Variants in RAPGEF5 observed in about 807,000 individuals in gnomAD.
The protein encoded by RAPGEF5 is M-Ras-regulated GEF.
A neutral mutation model predicts 125.2 loss-of-function variants in RAPGEF5; 65 were observed. That is an observed-to-expected ratio of 0.52 (90% CI 0.43 to 0.64). The LOEUF is 0.64. RAPGEF5 is among the 30% of genes least tolerant of loss of function. The pLI, the probability that RAPGEF5 is intolerant of heterozygous loss-of-function variation, is 0.00. For missense variants in RAPGEF5, 958 were observed against 1,048.1 expected (o/e 0.91, Z 1.19); for synonymous variants, 391 against 385.9 (o/e 1.01, Z -0.16).
intron 20 of RAPGEF5, among the ~76,000 whole-genome samples, chr7:22,143,103 T>A (rs547183589): frequency 1.3e-5 from 2 of 152,242 alleles, no homozygotes; most frequent in East Asian, 3.9e-4. Flanking sequence ...TTCCCACTTA[T>A]CCACATAATT....
intron 6 of RAPGEF5, among the ~76,000 whole-genome samples, chr7:22,268,640 G>C (rs578251609): frequency 2.0e-5 from 3 of 152,250 alleles, no homozygotes; most frequent in African/African-American, 7.2e-5. Flanking sequence ...TGATCTCCCA[G>C]GGAAAACCCC....
intron 6 of RAPGEF5, among the ~76,000 whole-genome samples, chr7:22,278,854 A>G (rs546669024): frequency 2.6e-5 from 4 of 151,974 alleles, no homozygotes; most frequent in African/African-American, 9.6e-5. Context: ...TTTTCCATGT[A>G]TTCACTGACT....
chr7:22,308,569 C>G lies in RAPGEF5; in HGVS notation c.512-62G>C, dbSNP rs920913459. 20 of 1,288,922 alleles carry G rather than the reference C, an allele frequency of 1.6e-5. No individual in the cohort carries two copies. The African/African-American group carries it at 3.0e-4, about 20-fold the overall frequency. The allele number at this position is 1,288,922 out of a possible 1,614,324, so 79.8% of individuals were successfully genotyped here. A position where few individuals can be genotyped will look rare whatever the true frequency, so the allele number is the denominator to read the frequency against. On this transcript the variant is annotated intron_variant, in intron 4 of 25. Transcript: ENST00000665637. The stretch of plus-strand genomic sequence containing the variant: ...AAAGATATTACTCAGAGAGTAATAA[C>G]TCAAATGATAAATTGAAAGCCCTAA...
chr7:22,146,856 T>G, intron 19 of RAPGEF5, 41 bp downstream of exon 19: 1 of 1,592,424 alleles, frequency 6.3e-7, no homozygotes, highest in Non-Finnish European at 8.5e-7. Flanking sequence ...AATTCACAGT[T>G]AAAACAGCAT....
At chr7:22,211,433 G>T (rs1416682393) in intron 9 of RAPGEF5, among the ~76,000 whole-genome samples, 1 of 152,162 alleles carries the variant, frequency 6.6e-6, no homozygotes, top group African/African-American at 2.4e-5. Flanking sequence ...AAACAGGACT[G>T]ACTCCAAGCC....
intron 11 of RAPGEF5, among the ~76,000 whole-genome samples, chr7:22,174,971 A>C (rs574245142): frequency 1.3e-5 from 2 of 152,340 alleles, no homozygotes; most frequent in African/African-American, 4.8e-5. Flanking sequence ...GGCTATGGCC[A>C]ACATGATTTC....
chr7:22,321,863 A>C (rs1008997487), intron 1 of RAPGEF5, among the ~76,000 whole-genome samples: 1 of 152,222 alleles, frequency 6.6e-6, no homozygotes, highest in Non-Finnish European at 1.5e-5. Context: ...TAAGCTGCCC[A>C]GTGGATTTTT....
rs1391071908 is a variant in RAPGEF5 at position 22,309,983 on chromosome 7, C to T, written c.497G>A (p.Gly166Glu). 1.9e-6 allele frequency: 3 copies of T among 1,588,132 alleles called. No homozygotes were observed. In the Admixed American group the frequency reaches 5.6e-5, roughly 30 times the overall value. ...IGVWQLLLDMGIMLSVDQHLY... is the reference protein window; with the variant it reads ...IGVWQLLLDMEIMLSVDQHLY... Reference sequence around the variant, plus strand: ...ATAATACTAACCTGATAACATAATTCCCATGTCCAGTAGGAGTTGCCAGAC... The same window carrying T: ...ATAATACTAACCTGATAACATAATTTCCATGTCCAGTAGGAGTTGCCAGAC... The change falls in exon 4 of 26, where the codon GGA becomes GAA. Residue 166 changes from glycine (G) to glutamate (E), a missense_variant. Coordinates refer to ENST00000665637, the MANE Select transcript of RAPGEF5 (RefSeq NM_012294.5).
intron 7 of RAPGEF5, among the ~76,000 whole-genome samples, chr7:22,256,538 CCTT>C (rs1228120344): frequency 6.6e-6 from 1 of 151,674 alleles, no homozygotes; most frequent in African/African-American, 2.4e-5. Flanking sequence ...GCCTGGAGGT[CCTT>C]CTTTCCTTTT....
chr7:22,327,671 A>C (rs1266827243), intron 1 of RAPGEF5, among the ~76,000 whole-genome samples: 1 of 152,230 alleles, frequency 6.6e-6, no homozygotes, highest in African/African-American at 2.4e-5. Context: ...CAAGTTATTT[A>C]ACTTCTTTGT....
intron 18 of RAPGEF5, 83 bp from the exon 19 acceptor site, chr7:22,147,102 G>A (rs1783465609): frequency 6.7e-7 from 1 of 1,495,898 alleles, no homozygotes; most frequent in Non-Finnish European, 9.0e-7. Flanking sequence ...GGCACTAGAA[G>A]CTCAGATTAG....
intron 5 of RAPGEF5, among the ~76,000 whole-genome samples, chr7:22,301,390 T>C (rs1335670047): frequency 2.0e-5 from 3 of 151,702 alleles, no homozygotes; most frequent in South Asian, 2.1e-4. Flanking sequence ...CCAAGGCGGG[T>C]GGATCACAAG....
intron 11 of RAPGEF5, among the ~76,000 whole-genome samples, chr7:22,168,059 T>A (rs909719370): frequency 6.6e-6 from 1 of 151,248 alleles, no homozygotes; most frequent in Non-Finnish European, 1.5e-5. Context: ...TTTTTAGTTA[T>A]ATAAAACAGT....
chr7:22,233,357 A>T (rs77142091), intron 7 of RAPGEF5, among the ~76,000 whole-genome samples: 3 of 152,216 alleles, frequency 2.0e-5, no homozygotes, highest in Admixed American at 6.5e-5. Context: ...TTTGCTCTTT[A>T]AAGTGCTAAT....
intron 14 of RAPGEF5, 80 bp downstream of exon 14, chr7:22,160,438 A>G: frequency 1.5e-6 from 2 of 1,341,622 alleles, no homozygotes; most frequent in Non-Finnish European, 2.0e-6. Context: ...ATCAACTTTT[A>G]TGTATAAGGC....
intron 1 of RAPGEF5, among the ~76,000 whole-genome samples, chr7:22,319,074 C>T (rs1220058220): frequency 6.6e-6 from 1 of 152,038 alleles, no homozygotes; most frequent in East Asian, 1.9e-4. Context: ...TTTTTCCTGC[C>T]TAATGATCCA....
chr7:22,275,327 A>C (rs560322727), intron 6 of RAPGEF5, among the ~76,000 whole-genome samples: 6 of 152,344 alleles, frequency 3.9e-5, no homozygotes, highest in African/African-American at 1.4e-4. Flanking sequence ...TTTATTCATC[A>C]TTATGAACCT....
intron 7 of RAPGEF5, among the ~76,000 whole-genome samples, chr7:22,257,137 T>G (rs1786782007): frequency 6.6e-6 from 1 of 152,234 alleles, no homozygotes; most frequent in South Asian, 2.1e-4. Context: ...ACCTGTGCCC[T>G]AATTAACAGT....
intron 6 of RAPGEF5, among the ~76,000 whole-genome samples, chr7:22,275,724 G>C (rs1454801747): frequency 6.6e-6 from 1 of 151,780 alleles, no homozygotes; most frequent in Admixed American, 6.6e-5. Flanking sequence ...CATGGGGGTT[G>C]TTCATGTCAC....
Sources: allele counts gnomAD v4.1 joint callset (sites outside exome capture counted in the v4.1 genomes callset), GRCh38; gene constraint gnomAD v4.1.1; transcripts MANE v1.5; gene names NCBI Gene and HGNC (gene_info 2026-07-23, HGNC 2026-07-21).